The following MAGI2 variants were observed in gnomAD, a reference collection of about 807,000 sequenced individuals.
MAGI2 encodes the protein membrane-associated guanylate kinase, WW and PDZ domain-containing protein 2.
Under a neutral mutation model 133.3 loss-of-function variants are expected in MAGI2, and 35 were observed. The observed-to-expected ratio is 0.26, with a 90% confidence interval of 0.20 to 0.35. MAGI2 has a LOEUF of 0.35. Among genes scored for constraint, MAGI2 ranks in the 10% least tolerant of loss-of-function variants. The pLI is 1.00. For synonymous variants in MAGI2, 729 were observed against 710.6 expected, an observed-to-expected ratio of 1.03 and a Z score of -0.41; for missense variants, 1,636 against 1,863.4, an observed-to-expected ratio of 0.88 and a Z score of 2.25.
At chr7:78,399,373 G>A (rs748235262) in intron 6 of MAGI2, among the ~76,000 whole-genome samples, 6 of 152,190 alleles carry the variant, frequency 3.9e-5, no homozygotes, top group South Asian at 2.1e-4. Flanking sequence ...AGAAATCTTC[G>A]TGTTATATGC....
At chr7:79,452,025 C>A (rs1482960930) in intron 1 of MAGI2, among the ~76,000 whole-genome samples, 1 of 152,190 alleles carries the variant, frequency 6.6e-6, no homozygotes, top group Non-Finnish European at 1.5e-5. Flanking sequence ...CTCCCCAAAT[C>A]CACATCACAG....
At chr7:78,649,236 G>GAAAAAAAAAAGA (rs3085451) in intron 2 of MAGI2, among the ~76,000 whole-genome samples, 6 of 88,162 alleles carry the variant, frequency 6.8e-5, no homozygotes, top group South Asian at 4.2e-4. Context: ...AAAAAAAAAA[G>GAAAAAAAAAAGA]AAAAAAAAAG....
chr7:79,371,899 A>G (rs1843074659), intron 1 of MAGI2, among the ~76,000 whole-genome samples: 1 of 152,146 alleles, frequency 6.6e-6, no homozygotes, highest in South Asian at 2.1e-4. Flanking sequence ...CTTTGTTACA[A>G]GCACCCAGAG....
intron 21 of MAGI2, among the ~76,000 whole-genome samples, chr7:78,022,637 A>G (rs2471593): frequency 0.33 from 50,622 of 152,070 alleles, 9,536 homozygotes; most frequent in East Asian, 0.65. Context: ...ACCAGATCTT[A>G]TCCTTAAGCA....
At chr7:78,655,464 A>AAAC (rs1812114704) in intron 2 of MAGI2, among the ~76,000 whole-genome samples, 1 of 147,056 alleles carries the variant, frequency 6.8e-6, no homozygotes, top group Non-Finnish European at 1.5e-5. Context: ...CAAAAAAAAA[A>AAAC]AAAAAAAAAA....
chr7:79,223,075 C>T (rs1472884142), intron 1 of MAGI2, among the ~76,000 whole-genome samples: 4 of 151,696 alleles, frequency 2.6e-5, no homozygotes, highest in African/African-American at 7.3e-5. Context: ...TTAGTAGAGA[C>T]GGGGTTTTAT....
At chr7:78,497,128 CAATT>C (rs1794161414) in intron 5 of MAGI2, among the ~76,000 whole-genome samples, 1 of 152,042 alleles carries the variant, frequency 6.6e-6, no homozygotes, top group African/African-American at 2.4e-5. Context: ...TTTGAATTTA[CAATT>C]AATATACTGC....
At chr7:78,085,307 C>T (rs917144405) in intron 20 of MAGI2, among the ~76,000 whole-genome samples, 2 of 152,016 alleles carry the variant, frequency 1.3e-5, no homozygotes, top group African/African-American at 4.8e-5. Flanking sequence ...AGTGGGAGGA[C>T]TGCTTGAGTC....
intron 2 of MAGI2, among the ~76,000 whole-genome samples, chr7:78,696,254 A>G (rs1486679472): frequency 6.6e-6 from 1 of 152,080 alleles, no homozygotes; most frequent in Admixed American, 6.5e-5. Flanking sequence ...CTTTTTTGAT[A>G]TGACATAATC....
chr7:79,035,292 C>T (rs975152175), intron 1 of MAGI2, among the ~76,000 whole-genome samples: 1 of 152,004 alleles, frequency 6.6e-6, no homozygotes, highest in African/African-American at 2.4e-5. Context: ...TATTGTTGCT[C>T]TACCAGCATC....
chr7:78,269,841 A>C (rs1022519448), intron 9 of MAGI2, among the ~76,000 whole-genome samples: 32 of 152,198 alleles, frequency 2.1e-4, no homozygotes, highest in African/African-American at 7.5e-4. Context: ...GTCTTTGCCC[A>C]TGACTATGTC....
Position 79,384,984 on chromosome 7 carries a change from A to T in MAGI2, c.301+68036T>A, listed in dbSNP as rs1478019904. On this transcript the variant is annotated intron_variant, in intron 1 of 21. Transcript: ENST00000354212. ...ACCTTCTTAAAGGTATAGTTGTATT[A>T]ATATAGTAATTAGCATGAAAAATAT... is the stretch of plus-strand genomic sequence containing the variant. 2.0e-5 allele frequency among the ~76,000 whole-genome samples: 3 copies of T among 151,682 alleles called. No individual in the cohort carries two copies. The East Asian group carries it at 5.8e-4, about 29-fold the overall frequency.
chr7:78,702,219 A>G (rs1244530907), intron 2 of MAGI2, among the ~76,000 whole-genome samples: 1 of 152,030 alleles, frequency 6.6e-6, no homozygotes, highest in East Asian at 1.9e-4. Context: ...ACTATTTGAA[A>G]TCATTTTCCA....
At chr7:78,507,533 T>G (rs1291346521) in intron 4 of MAGI2, among the ~76,000 whole-genome samples, 1 of 152,116 alleles carries the variant, frequency 6.6e-6, no homozygotes, top group African/African-American at 2.4e-5. Context: ...GAATGCAAAT[T>G]CAGTACTCTC....
intron 1 of MAGI2, among the ~76,000 whole-genome samples, chr7:79,371,096 C>T (rs1490711236): frequency 6.6e-6 from 1 of 152,070 alleles, no homozygotes; most frequent in African/African-American, 2.4e-5. Flanking sequence ...AGGAAGTCTT[C>T]CCCGATCACT....
chr7:79,286,546 T>G (rs577967100), intron 1 of MAGI2, among the ~76,000 whole-genome samples: 1 of 152,024 alleles, frequency 6.6e-6, no homozygotes, highest in South Asian at 2.1e-4. Flanking sequence ...ACAGCATAAC[T>G]TTTCATTATC....
intron 6 of MAGI2, among the ~76,000 whole-genome samples, chr7:78,433,242 T>A (rs770048340): frequency 5.7e-4 from 86 of 152,194 alleles, no homozygotes; most frequent in Middle Eastern, 6.8e-3. Context: ...ACTACCTAAG[T>A]AGTTTTAATG....
chr7:79,078,103 A>C (rs1815700802), intron 1 of MAGI2, among the ~76,000 whole-genome samples: 1 of 152,202 alleles, frequency 6.6e-6, no homozygotes, highest in Non-Finnish European at 1.5e-5. Flanking sequence ...TGTAAGACGG[A>C]GGATGGGAGA....
chr7:78,127,494 G>GT, intron 18 of MAGI2, 78 bp from the exon 19 acceptor site: 1 of 1,134,794 alleles, frequency 8.8e-7, no homozygotes, highest in East Asian at 2.4e-5. Flanking sequence ...GCCTCCAGAG[G>GT]TGGGCCAGCC....
Sources: gnomAD v4.1 joint callset for allele counts (sites outside exome capture counted in the v4.1 genomes callset) on GRCh38, gnomAD v4.1.1 for gene constraint, MANE v1.5 for transcripts, NCBI Gene and HGNC (gene_info 2026-07-23, HGNC 2026-07-21) for gene names.